Variants in PHF2 observed in about 807,000 individuals in gnomAD.
PHF2 encodes PHD finger protein 2.
In PHF2, 27 loss-of-function variants were observed where a neutral mutation model predicts 120.5. The observed-to-expected ratio is 0.22, with a 90% confidence interval of 0.17 to 0.31. PHF2 has a LOEUF of 0.31. PHF2 is among the 10% of genes least tolerant of loss of function. The pLI is 1.00. For missense variants in PHF2, 1,024 were observed against 1,434.8 expected, an observed-to-expected ratio of 0.71 and a Z score of 4.63; for synonymous variants, 568 against 592.5, an observed-to-expected ratio of 0.96 and a Z score of 0.60.
At chr9:93,627,349 C>T (rs1211231026) in intron 1 of PHF2, among the ~76,000 whole-genome samples, 1 of 152,176 alleles carries the variant, frequency 6.6e-6, no homozygotes, top group African/African-American at 2.4e-5. Context: ...TTTGCACCTA[C>T]ACCTTCTGAA....
intron 10 of PHF2, 46 bp from the exon 11 acceptor site, chr9:93,659,465 C>T (rs1402032242): frequency 6.6e-7 from 1 of 1,514,874 alleles, no homozygotes; most frequent in Non-Finnish European, 9.2e-7. Context: ...TAAGTCAGGA[C>T]CACGGGAGGT....
chr9:93,662,179 A>G (rs1204154488), intron 12 of PHF2, among the ~76,000 whole-genome samples: 2 of 151,588 alleles, frequency 1.3e-5, no homozygotes, highest in Non-Finnish European at 2.9e-5. Context: ...AGATGGATGG[A>G]TGAATGAATG....
intron 1 of PHF2, among the ~76,000 whole-genome samples, chr9:93,580,786 G>C (rs1251614192): frequency 1.3e-5 from 2 of 152,174 alleles, no homozygotes; most frequent in Non-Finnish European, 2.9e-5. Context: ...ACGGAGTTCA[G>C]AGCTGGCTGT....
At chr9:93,635,786 G>A (rs1204195175) in intron 2 of PHF2, among the ~76,000 whole-genome samples, 2 of 152,212 alleles carry the variant, frequency 1.3e-5, no homozygotes, top group Admixed American at 1.3e-4. Context: ...CAAGGTGTGT[G>A]TACCTCGTGC....
Position 93,649,074 on chromosome 9 carries a change from C to T in PHF2, c.464C>T (p.Pro155Leu), listed in dbSNP as rs1826311500. 3.2e-6 allele frequency: 5 copies of T among 1,551,074 alleles called. No homozygotes were observed. Among genetic ancestry groups the T allele is most frequent in the African/African-American group, 1.4e-5 (1 of 73,036 alleles). ...YVSDVENYVG[P>L]ERSVDVTDVT... ...GCTCCTCCCACCACCTCCCTAGGGC[C>T]GGAACGGAGTGTGGATGTGACAGAT... Residue 155 changes from proline (P) to leucine (L), a missense_variant, in exon 5 of 22, where the codon CCG becomes CTG. This residue lies in a region of PHF2 where 347 missense variants were observed against 577.4 expected (regional missense o/e 0.60). Transcript: ENST00000359246.
intron 1 of PHF2, among the ~76,000 whole-genome samples, chr9:93,616,746 C>A (rs1825735969): frequency 6.6e-6 from 1 of 151,872 alleles, no homozygotes; most frequent in Non-Finnish European, 1.5e-5. Flanking sequence ...ACCTCCGCCT[C>A]CTGGGTTCAA....
In PHF2 at chr9:93,660,252, G is replaced by T. The variant is rs192602558; in HGVS notation, c.1390G>T (p.Asp464Tyr). The change falls in exon 12 of 22, where the codon GAC becomes TAC. Residue 464 changes from aspartate to tyrosine, a missense_variant. Physicochemically the swap from Asp to Tyr is radical, Grantham distance 160 (BLOSUM62 -3). Coordinates refer to ENST00000359246, the MANE Select transcript of PHF2 (RefSeq NM_005392.4). ...TGTCGCCTCGTCAGATGAGGTGTGT[G>T]ACGGGGACCGGGAGAAGGAGGAGCC... is the stretch of plus-strand genomic sequence containing the variant. ...NTVASSDEVCDGDREKEEPPS... is the reference protein window; with the variant it reads ...NTVASSDEVCYGDREKEEPPS... The T allele has an allele frequency of 1.8e-5, 29 of 1,607,780 alleles. No homozygotes were observed. The Admixed American group carries it at 4.8e-4, about 26-fold the overall frequency.
intron 1 of PHF2, among the ~76,000 whole-genome samples, chr9:93,605,955 A>G (rs1433701639): frequency 1.3e-5 from 2 of 151,986 alleles, no homozygotes; most frequent in African/African-American, 4.8e-5. Flanking sequence ...ATCATTTGGT[A>G]AGAGTGTGTT....
rs373035320 is a variant in PHF2 at position 93,665,725 on chromosome 9, C to T, written c.1977C>T (p.Phe659=). The T allele has an allele frequency of 1.5e-5, 24 of 1,613,732 alleles. No homozygotes were observed. The highest frequency in any genetic ancestry group is 5.0e-5 in the Admixed American group (3 of 59,984). The part of the protein sequence containing the change: ...ALRPPTSPGV[F]GALQNFKEDK... ...GGCCCCCGACGAGCCCTGGTGTGTT[C>T]GGGGCCTTGCAGAACTTCAAGGAGG... The change falls in exon 15 of 22, where the codon TTC becomes TTT. Residue 659 remains phenylalanine, a synonymous_variant. Coordinates refer to ENST00000359246, the MANE Select transcript of PHF2 (RefSeq NM_005392.4).
Position 93,673,723 on chromosome 9 carries a change from T to G in PHF2, c.2487T>G (p.Gly829=). Residue 829 remains glycine (G), a synonymous_variant, in exon 18 of 22, where the codon GGT becomes GGG. Transcript: ENST00000359246. The stretch of plus-strand genomic sequence containing the variant: ...AGGGGAGCTCGCTGGCTGCCCATGG[T>G]GCCCGGAAGAATGGGGGTGGCAGTG... ...QAKGSSLAAH[G]ARKNGGGSGK... is the part of the protein sequence containing the mutation. 2 of 1,613,196 alleles carry G rather than the reference T, an allele frequency of 1.2e-6. No individual in the cohort carries two copies. The highest frequency in any genetic ancestry group is 1.7e-6 in the Non-Finnish European group (2 of 1,179,742).
rs1234066023 is a variant in PHF2 at position 93,676,738 on chromosome 9, C to T, written c.2977C>T (p.Pro993Ser). 6.4e-7 allele frequency: 1 copy of T among 1,556,006 alleles called. No individual in the cohort carries two copies. ...CTCTACCACCCCGGCCTCCACCACC[C>T]CGGCCTCCACCAGCACGGCCAGCAG... ...PASTTPASTT[P>S]ASTSTASSQA... Residue 993 changes from proline to serine, a missense_variant, in exon 21 of 22, where the codon CCG (proline) becomes TCG (serine). By Grantham distance (74) the Pro-to-Ser change is moderately conservative. This residue lies in a region of PHF2 where 677 missense variants were observed against 857.4 expected (regional missense o/e 0.79). Transcript: ENST00000359246.
At chr9:93,624,477 CGGTGAT>C (rs982836235) in intron 1 of PHF2, among the ~76,000 whole-genome samples, 1 of 138,188 alleles carries the variant, frequency 7.2e-6, no homozygotes, top group African/African-American at 2.8e-5. Context: ...GATGGTGTGG[CGGTGAT>C]GGTGATGGTG....
chr9:93,598,061 G>A (rs952520092), intron 1 of PHF2, among the ~76,000 whole-genome samples: 6 of 152,262 alleles, frequency 3.9e-5, no homozygotes, highest in Admixed American at 2.0e-4. Flanking sequence ...AGTGCATTTT[G>A]TTCTGGCTGA....
intron 13 of PHF2, among the ~76,000 whole-genome samples, chr9:93,663,231 G>A (rs1826610861): frequency 1.3e-5 from 2 of 152,086 alleles, no homozygotes; most frequent in Non-Finnish European, 2.9e-5. Context: ...GAGTTGGTTG[G>A]GATGCAAGAG....
At chr9:93,663,669 G>A (rs778340286) in intron 14 of PHF2, 34 bp downstream of exon 14, 21 of 1,242,666 alleles carry the variant, frequency 1.7e-5, no homozygotes, top group African/African-American at 1.2e-4. Flanking sequence ...GGGTGACCTC[G>A]CGCATAACCG....
intron 17 of PHF2, among the ~76,000 whole-genome samples, chr9:93,673,275 C>G (rs1366947241): frequency 6.6e-6 from 1 of 151,988 alleles, no homozygotes; most frequent in East Asian, 1.9e-4. Context: ...AGTGCGTGAC[C>G]ATATGAGGGT....
At chr9:93,631,677 C>T (rs1164839489) in intron 2 of PHF2, among the ~76,000 whole-genome samples, 1 of 152,084 alleles carries the variant, frequency 6.6e-6, no homozygotes, top group Admixed American at 6.5e-5. Flanking sequence ...GCTGAGCTTC[C>T]AGTGGGGACC....
At chr9:93,587,733 T>C (rs1323130713) in intron 1 of PHF2, among the ~76,000 whole-genome samples, 3 of 152,148 alleles carry the variant, frequency 2.0e-5, no homozygotes. Context: ...CACTAGCTGC[T>C]ATTTGGTCTG....
At chr9:93,592,448 C>T (rs1825245861) in intron 1 of PHF2, among the ~76,000 whole-genome samples, 1 of 152,260 alleles carries the variant, frequency 6.6e-6, no homozygotes, top group South Asian at 2.1e-4. Context: ...TGGTGAAGTT[C>T]CCCTAGCAAC....
Sources: allele counts gnomAD v4.1 joint callset (sites outside exome capture counted in the v4.1 genomes callset), GRCh38; gene constraint gnomAD v4.1.1; regional missense constraint gnomAD v4.1.1; transcripts MANE v1.5; gene names NCBI Gene and HGNC (gene_info 2026-07-23, HGNC 2026-07-21).